DIXDC1: variants seen among roughly 807,000 people sequenced by gnomAD.
DIXDC1 encodes the protein DIX domain containing 1, also known as dixin.
DIXDC1 carries 64 observed loss-of-function variants against 103.1 expected under a neutral mutation model. The ratio of observed to expected loss-of-function variants is 0.62; its 90% confidence interval spans 0.51 to 0.76. The LOEUF (loss-of-function observed/expected upper bound fraction) is 0.76. Ranked by LOEUF, DIXDC1 falls within the 30% of genes least tolerant of loss-of-function variation. The pLI is 0.00. For synonymous variants in DIXDC1, 266 were observed against 298.5 expected (o/e 0.89, Z 1.12); for missense variants, 759 against 834.2 (o/e 0.91, Z 1.11).
intron 2 of DIXDC1, among the ~76,000 whole-genome samples, chr11:111,932,315 G>T (rs1320465186): frequency 6.6e-6 from 1 of 151,626 alleles, no homozygotes; most frequent in East Asian, 1.9e-4. Context: ...TGGGATTACA[G>T]GCGTGAGCCA....
At chr11:112,011,676 C>T (rs2137633065) in intron 17 of DIXDC1, among the ~76,000 whole-genome samples, 1 of 152,292 alleles carries the variant, frequency 6.6e-6, no homozygotes, top group East Asian at 1.9e-4. Context: ...AACTGGAGTT[C>T]ATCATTCTCA....
In DIXDC1 at chr11:112,017,913, G is replaced by A; in HGVS notation, c.1971+28G>A. On this transcript the variant is annotated intron_variant, in intron 19 of 19. Transcript: ENST00000440460. This position sits in a 1 kb window ranked among gnomAD's most constrained non-coding sequence, Gnocchi z 4.0. ...AAAGAATCTGTGGGGAGTCTGTATG[G>A]TATTATTGGTCCTTTCTGAACCCTG... 6.4e-7 allele frequency: 1 copy of A among 1,555,914 alleles called. No homozygotes were observed. The highest frequency in any genetic ancestry group is 8.8e-7 in the Non-Finnish European group (1 of 1,139,902).
At chr11:112,016,569 G>C (rs782452672) in intron 17 of DIXDC1, 122 bp from the exon 18 acceptor site, 6 of 712,518 alleles carry the variant, frequency 8.4e-6, no homozygotes, top group Non-Finnish European at 1.3e-5. Flanking sequence ...TGTTTGGCAA[G>C]GGTGTGAGAG....
At chr11:112,007,877 T>C (rs1861286873) in intron 17 of DIXDC1, among the ~76,000 whole-genome samples, 2 of 149,624 alleles carry the variant, frequency 1.3e-5, no homozygotes, top group African/African-American at 2.6e-5. Context: ...AGACCATCGA[T>C]GCTATGATGA....
chr11:111,980,446 A>G (rs1860259588), intron 5 of DIXDC1, among the ~76,000 whole-genome samples: 1 of 152,192 alleles, frequency 6.6e-6, no homozygotes, highest in Non-Finnish European at 1.5e-5. Context: ...TGAATGCTAG[A>G]TTACCCATCA....
At chr11:111,974,806 T>A in intron 4 of DIXDC1, 70 bp from the exon 5 acceptor site, 1 of 1,572,616 alleles carries the variant, frequency 6.4e-7, no homozygotes, top group East Asian at 2.3e-5. Flanking sequence ...TGGCAGTCTC[T>A]CTGTACTTGT....
At chr11:111,980,909 G>A (rs1860280518) in intron 6 of DIXDC1, 60 bp downstream of exon 6, 1 of 1,425,550 alleles carries the variant, frequency 7.0e-7, no homozygotes, top group Admixed American at 1.8e-5. Context: ...AGAATTTAGA[G>A]GTCCCCATCA....
chr11:111,984,997 C>T (rs1555173657), intron 7 of DIXDC1, among the ~76,000 whole-genome samples: 4 of 152,132 alleles, frequency 2.6e-5, no homozygotes, highest in Non-Finnish European at 5.9e-5. Flanking sequence ...GCCAAGGCAC[C>T]TTGAAGCAGA....
upstream of DIXDC1, among the ~76,000 whole-genome samples, chr11:111,933,730 A>G (rs1345724761): frequency 6.8e-6 from 1 of 147,122 alleles, no homozygotes; most frequent in Non-Finnish European, 1.5e-5. Context: ...TCCAAGGGTC[A>G]TTTAAAATAT....
chr11:111,972,049 C>T (rs587708081), intron 3 of DIXDC1, among the ~76,000 whole-genome samples: 20 of 152,198 alleles, frequency 1.3e-4, no homozygotes, highest in African/African-American at 4.3e-4. Context: ...TGAGTTCAAT[C>T]GTACCCTAGA....
At chr11:111,945,345 C>T (rs1966556903) in intron 1 of DIXDC1, among the ~76,000 whole-genome samples, 1 of 152,148 alleles carries the variant, frequency 6.6e-6, no homozygotes, top group African/African-American at 2.4e-5. Context: ...CAGAAAGTTC[C>T]AGGGATTGGC....
chr11:111,996,225 G>T, intron 17 of DIXDC1, 79 bp downstream of exon 17: 1 of 1,323,704 alleles, frequency 7.6e-7, no homozygotes, highest in Non-Finnish European at 1.0e-6. Flanking sequence ...TACATTTTGG[G>T]GATGTAATTT....
intron 10 of DIXDC1, among the ~76,000 whole-genome samples, chr11:111,989,675 G>T (rs1860630783): frequency 1.4e-5 from 2 of 147,272 alleles, no homozygotes; most frequent in Non-Finnish European, 1.5e-5. Flanking sequence ...TATTTACTTT[G>T]TTTTTGAATA....
In DIXDC1 at chr11:111,996,075, C is replaced by A; in HGVS notation, c.1690-5C>A. On this transcript the variant is annotated splice_region_variant and splice_polypyrimidine_tract_variant and intron_variant, in intron 16 of 19. Transcript: ENST00000440460. ...AACTCTTGTGATTTTTGTGTGGCTC[C>A]CCAGGTTCGGGTCAAGTCACCCAGA... The A allele has an allele frequency of 6.2e-7, 1 of 1,613,240 alleles. No homozygotes were observed. The highest frequency in any genetic ancestry group is 8.5e-7 in the Non-Finnish European group (1 of 1,179,688).
chr11:111,979,743 G>C (rs868949852), intron 5 of DIXDC1, among the ~76,000 whole-genome samples: 1 of 152,224 alleles, frequency 6.6e-6, no homozygotes, highest in Non-Finnish European at 1.5e-5. Flanking sequence ...GATCACTTGA[G>C]CCCAGGAGTT....
chr11:112,012,181 C>G (rs1566580127), intron 17 of DIXDC1, among the ~76,000 whole-genome samples: 1 of 152,162 alleles, frequency 6.6e-6, no homozygotes. Context: ...TCCTACCAGG[C>G]TTTTGTAGAT....
intron 1 of DIXDC1, among the ~76,000 whole-genome samples, chr11:111,949,894 G>A (rs147563380): frequency 4.0e-5 from 6 of 151,790 alleles, no homozygotes; most frequent in African/African-American, 1.2e-4. Flanking sequence ...CTTCCATCCT[G>A]TTGCTCCTTC....
At chr11:111,995,308 A>G in intron 15 of DIXDC1, 95 bp from the exon 16 acceptor site, 1 of 1,528,180 alleles carries the variant, frequency 6.5e-7, no homozygotes, top group Non-Finnish European at 8.8e-7. Flanking sequence ...TGTGGGGGAA[A>G]AATCTTCTGG....
chr11:111,999,454 A>C (rs1332607753), intron 17 of DIXDC1, among the ~76,000 whole-genome samples: 1 of 152,256 alleles, frequency 6.6e-6, no homozygotes, highest in Non-Finnish European at 1.5e-5. Context: ...TCAGTGACTT[A>C]AATGTAAGAG....
Sources: gnomAD v4.1 joint callset for allele counts (sites outside exome capture counted in the v4.1 genomes callset) on GRCh38, gnomAD v4.1.1 for gene constraint, Gnocchi (gnomAD v3.1) non-coding constraint, MANE v1.5 for transcripts, NCBI Gene and HGNC (gene_info 2026-07-23, HGNC 2026-07-21) for gene names.